PPIB: variants seen among roughly 807,000 people sequenced by gnomAD.
PPIB encodes the protein peptidyl-prolyl cis-trans isomerase B.
A neutral mutation model predicts 20.1 loss-of-function variants in PPIB; 15 were observed. That is an observed-to-expected ratio of 0.75 (90% confidence interval 0.50 to 1.15). The LOEUF (loss-of-function observed/expected upper bound fraction) is 1.15, where lower values mean the gene tolerates loss of function less well. Among genes scored for constraint, PPIB ranks in the 50% most tolerant of loss-of-function variants. PPIB has a pLI of 0.00. For synonymous variants in PPIB, 129 were observed against 111.0 expected (o/e 1.16, Z -1.02); for missense variants, 278 against 283.0 (o/e 0.98, Z 0.13).
At position 64,157,288 on chromosome 15, in the gene PPIB, T is replaced by C. The variant is rs1325384860; in HGVS notation, c.344-379A>G. ...AGGGGAGTCAACAGGGTCGGAACTC[T>C]CCAGAAAAGGAGGACTGCTGTGGCT... On this transcript the variant is annotated intron_variant, in intron 3 of 4. Coordinates refer to ENST00000300026, the MANE Select transcript of PPIB (RefSeq NM_000942.5). This position sits in a 1 kb window ranked among gnomAD's most constrained non-coding sequence, Gnocchi z 4.2. The C allele has an allele frequency of 8.0e-6, 2 of 250,674 alleles. No individual in the cohort carries two copies. The highest frequency in any genetic ancestry group is 6.0e-5 in the South Asian group (1 of 16,608). 15.5% of individuals were successfully genotyped at this position (250,674 alleles called of 1,614,324 possible).
At position 64,156,827 on chromosome 15, in the gene PPIB, G is replaced by A. The variant is rs766129397; in HGVS notation, c.426C>T (p.Asn142=). The A allele has an allele frequency of 2.2e-5, 36 of 1,614,078 alleles. No individual in the cohort carries two copies. The highest frequency in any genetic ancestry group is 1.2e-4 in the Admixed American group (7 of 60,002). Residue 142 remains asparagine, a synonymous_variant, in exon 4 of 5, where the codon AAC becomes AAT. Coordinates refer to ENST00000300026, the MANE Select transcript of PPIB (RefSeq NM_000942.5). The surrounding 1 kb of genome is among the most constrained non-coding windows in gnomAD (Gnocchi z 6.4). ...GGGAGCCGTTGGTGTCTTTGCCTGC[G>A]TTGGCCATGCTCACCCAGCCAGGCC... The part of the protein sequence containing the change: ...HYGPGWVSMA[N]AGKDTNGSQF...
chr15:64,156,544 G>T lies in PPIB; in HGVS notation c.528+181C>A. The stretch of plus-strand genomic sequence containing the variant: ...TCCTGGCTGGGCTCTGAGGGGGCTG[G>T]AAGAATTTAGAACCTTGGAGGCATG... On this transcript the variant is annotated intron_variant, in intron 4 of 4. Transcript: ENST00000300026. This position sits in a 1 kb window ranked among gnomAD's most constrained non-coding sequence, Gnocchi z 6.4. 1.2e-6 allele frequency: 1 copy of T among 806,380 alleles called. No individual in the cohort carries two copies. Among genetic ancestry groups the T allele is most frequent in the Non-Finnish European group, 2.1e-6 (1 of 482,126 alleles). The allele number at this position is 806,380 out of a possible 1,614,324, so 50.0% of individuals were successfully genotyped here. A position where few individuals can be genotyped will look rare whatever the true frequency, so the allele number is the denominator to read the frequency against.
Position 64,161,977 on chromosome 15 carries a change from TG to T in PPIB, c.249+63del, listed in dbSNP as rs1187081257. 8.5e-7 allele frequency: 1 copy of T among 1,182,968 alleles called. No individual in the cohort carries two copies. Among genetic ancestry groups the T allele is most frequent in the African/African-American group, 1.5e-5 (1 of 66,398 alleles). The allele number at this position is 1,182,968 out of a possible 1,614,324, so 73.3% of individuals were successfully genotyped here. On this transcript the variant is annotated intron_variant, in intron 2 of 4. Transcript: ENST00000300026. The surrounding 1 kb of genome is among the most constrained non-coding windows in gnomAD (Gnocchi z 4.2). ...ATCGGCTGAACTCTGCAGGTCAGTT[TG>T]CTGCCATCCCCAGTGCCAATTTCAC...
Position 64,157,036 on chromosome 15 carries a change from C to T in PPIB, c.344-127G>A. ...GCTAGGCTGGAGTGGACTACAAGGACATAAAAGCAGCGTCCTTCCTATCTT... is the reference window on the plus strand; with the variant it reads ...GCTAGGCTGGAGTGGACTACAAGGATATAAAAGCAGCGTCCTTCCTATCTT... On this transcript the variant is annotated intron_variant, in intron 3 of 4. Coordinates refer to ENST00000300026, the MANE Select transcript of PPIB (RefSeq NM_000942.5). The surrounding 1 kb of genome is among the most constrained non-coding windows in gnomAD (Gnocchi z 4.2). The T allele has an allele frequency of 2.9e-6, 3 of 1,022,836 alleles. No individual in the cohort carries two copies. Among genetic ancestry groups the T allele is most frequent in the Non-Finnish European group, 4.3e-6 (3 of 705,280 alleles). The allele number at this position is 1,022,836 out of a possible 1,614,324, so 63.4% of individuals were successfully genotyped here.
chr15:64,157,147 C>A lies in PPIB; in HGVS notation c.344-238G>T, dbSNP rs1366031566. ...TGGTGAACAGCTCACAGAAGGATTA[C>A]TTTGAGAAGATAGTTTTGTGGCTTT... is the stretch of plus-strand genomic sequence containing the variant. On this transcript the variant is annotated intron_variant, in intron 3 of 4. Coordinates refer to ENST00000300026, the MANE Select transcript of PPIB (RefSeq NM_000942.5). The surrounding 1 kb of genome is among the most constrained non-coding windows in gnomAD (Gnocchi z 4.2). The A allele has an allele frequency of 8.6e-6, 5 of 579,522 alleles. No homozygotes were observed. Among genetic ancestry groups the A allele is most frequent in the African/African-American group, 7.5e-5 (4 of 53,608 alleles). 35.9% of individuals were successfully genotyped at this position (579,522 alleles called of 1,614,324 possible). A position where few individuals can be genotyped will look rare whatever the true frequency, so the allele number is the denominator to read the frequency against.
rs1053644498 is a variant in PPIB, at chr15:64,161,449, G to A, written c.249+592C>T. Among the ~76,000 whole-genome samples the A allele has an allele frequency of 6.6e-6, 1 of 151,670 alleles. No homozygotes were observed. The highest frequency in any genetic ancestry group is 2.4e-5 in the African/African-American group (1 of 41,294). ...AATTAAAAAAAATTTTTTTTGGCCGGGCATAGTGGCTCACACCTCTAATCC... is the reference window on the plus strand; with the variant it reads ...AATTAAAAAAAATTTTTTTTGGCCGAGCATAGTGGCTCACACCTCTAATCC... On this transcript the variant is annotated intron_variant, in intron 2 of 4. Transcript: ENST00000300026. This position sits in a 1 kb window ranked among gnomAD's most constrained non-coding sequence, Gnocchi z 4.2.
At position 64,162,866 on chromosome 15, in the gene PPIB, T is replaced by C. The variant is rs771164709; in HGVS notation, c.121A>G (p.Lys41Glu). 6.2e-7 allele frequency: 1 copy of C among 1,611,604 alleles called. No homozygotes were observed. The highest frequency in any genetic ancestry group is 8.5e-7 in the Non-Finnish European group (1 of 1,179,234). ...SAADEKKKGPKVTVKVYFDLR... is the reference protein window; with the variant it reads ...SAADEKKKGPEVTVKVYFDLR... Reference sequence around the variant, plus strand: ...CTCCACCGGACCTTGACGGTGACTTTGGGCCCCTTCTTCTTCTCATCGGCC... The same window carrying C: ...CTCCACCGGACCTTGACGGTGACTTCGGGCCCCTTCTTCTTCTCATCGGCC... The change falls in exon 1 of 5, where the codon AAA becomes GAA. Residue 41 changes from lysine to glutamate, a missense_variant. Lys to Glu is a moderately conservative substitution (Grantham distance 56, BLOSUM62 1). Transcript: ENST00000300026.
Position 64,161,026 on chromosome 15 carries a change from T to C in PPIB, c.250-829A>G, listed in dbSNP as rs1266097990. ...CCCAGGCTAGAGTGCAGTGGGGCAATCTCGGCTCACTGCAACCTCCACCTC... is the reference window on the plus strand; with the variant it reads ...CCCAGGCTAGAGTGCAGTGGGGCAACCTCGGCTCACTGCAACCTCCACCTC... On this transcript the variant is annotated intron_variant, in intron 2 of 4. Transcript: ENST00000300026. The surrounding 1 kb of genome is among the most constrained non-coding windows in gnomAD (Gnocchi z 4.2). Among the ~76,000 whole-genome samples, 11 of 151,966 alleles carry C rather than the reference T, an allele frequency of 7.2e-5. No individual in the cohort carries two copies. The highest frequency in any genetic ancestry group is 2.2e-4 in the African/African-American group (9 of 41,330).
rs539486493 is a variant in PPIB at position 64,161,208 on chromosome 15, C to T, written c.249+833G>A. On this transcript the variant is annotated intron_variant, in intron 2 of 4. Transcript: ENST00000300026. The surrounding 1 kb of genome is among the most constrained non-coding windows in gnomAD (Gnocchi z 4.2). The stretch of plus-strand genomic sequence containing the variant: ...AACTCCTGACCTCAGGTGATCTACC[C>T]GCCTCAGCCTCCCAAAGTGCTGGGA... Among the ~76,000 whole-genome samples, 2 of 151,886 alleles carry T rather than the reference C, an allele frequency of 1.3e-5. No homozygotes were observed. The highest frequency in any genetic ancestry group is 2.0e-4 in the East Asian group (1 of 5,128).
In PPIB at chr15:64,158,349, C is replaced by T. The variant is rs1207673326; in HGVS notation, c.344-1440G>A. 6.6e-6 allele frequency among the ~76,000 whole-genome samples: 1 copy of T among 152,202 alleles called. No homozygotes were observed. Among genetic ancestry groups the T allele is most frequent in the African/African-American group, 2.4e-5 (1 of 41,442 alleles). On this transcript the variant is annotated intron_variant, in intron 3 of 4. Coordinates refer to ENST00000300026, the MANE Select transcript of PPIB (RefSeq NM_000942.5). The surrounding 1 kb of genome is among the most constrained non-coding windows in gnomAD (Gnocchi z 4.7). Reference sequence around the variant, plus strand: ...AATCCACTCTATGAGGAGGAGCTAACTCCACTTCAAAGATGAAGAAACTGA... The same window carrying T: ...AATCCACTCTATGAGGAGGAGCTAATTCCACTTCAAAGATGAAGAAACTGA...
rs754829389 is a variant in PPIB at position 64,162,138 on chromosome 15, C to T, written c.152G>A (p.Arg51Gln). 6.2e-7 allele frequency: 1 copy of T among 1,613,482 alleles called. No individual in the cohort carries two copies. The highest frequency in any genetic ancestry group is 1.7e-5 in the Admixed American group (1 of 60,024). ...CCGGCCTACATCTTCATCTCCAATT[C>T]GTAGGTCAAAATACACCTGAGGAAA... ...KVTVKVYFDLRIGDEDVGRVI... is the reference protein window; with the variant it reads ...KVTVKVYFDLQIGDEDVGRVI... The change falls in exon 2 of 5, where the codon CGA becomes CAA. Residue 51 changes from arginine to glutamine, a missense_variant. By Grantham distance (43) the Arg-to-Gln change is conservative. Coordinates refer to ENST00000300026, the MANE Select transcript of PPIB (RefSeq NM_000942.5).
At position 64,160,038 on chromosome 15, in the gene PPIB, G is replaced by A. The variant is rs748583597; in HGVS notation, c.343+66C>T. The A allele has an allele frequency of 1.4e-6, 2 of 1,390,126 alleles. No individual in the cohort carries two copies. Among genetic ancestry groups the A allele is most frequent in the African/African-American group, 1.4e-5 (1 of 70,198 alleles). 86.1% of individuals were successfully genotyped at this position (1,390,126 alleles called of 1,614,324 possible). On this transcript the variant is annotated intron_variant, in intron 3 of 4. Transcript: ENST00000300026. The surrounding 1 kb of genome is among the most constrained non-coding windows in gnomAD (Gnocchi z 4.8). ...AGAAAGAGGCCTGGTCTCCCCAGCA[G>A]AACCTGGCCCTCCCACTGTGGAGGC...
At position 64,156,046 on chromosome 15, in the gene PPIB, G is replaced by A. The variant is rs200904948; in HGVS notation, c.628C>T (p.Pro210Ser). 8 of 1,614,208 alleles carry A rather than the reference G, an allele frequency of 5.0e-6. No homozygotes were observed. The highest frequency in any genetic ancestry group is 1.1e-5 in the South Asian group (1 of 91,078). The change falls in exon 5 of 5, where the codon CCC (proline) becomes TCC (serine). Residue 210 changes from proline to serine, a missense_variant. Transcript: ENST00000300026. This position sits in a 1 kb window ranked among gnomAD's most constrained non-coding sequence, Gnocchi z 6.4. The stretch of plus-strand genomic sequence containing the variant: ...CCCTACTCCTTGGCGATGGCAAAGG[G>A]CTTCTCCACCTCGATCTTGCCGCAG... Reference protein sequence around the residue: ...ADCGKIEVEKPFAIAKE With the variant: ...ADCGKIEVEKSFAIAKE
At position 64,156,990 on chromosome 15, in the gene PPIB, T is replaced by C; in HGVS notation, c.344-81A>G. ...CATTCGGGGCCAGGACTGAGGGGGC[T>C]TAACCTGTCCTCTGTGCCAGGCTAG... On this transcript the variant is annotated intron_variant, in intron 3 of 4. Coordinates refer to ENST00000300026, the MANE Select transcript of PPIB (RefSeq NM_000942.5). The surrounding 1 kb of genome is among the most constrained non-coding windows in gnomAD (Gnocchi z 6.4). The C allele has an allele frequency of 1.4e-6, 2 of 1,433,642 alleles. No individual in the cohort carries two copies. The highest frequency in any genetic ancestry group is 1.9e-6 in the Non-Finnish European group (2 of 1,031,548). 88.8% of individuals were successfully genotyped at this position (1,433,642 alleles called of 1,614,324 possible). A position where few individuals can be genotyped will look rare whatever the true frequency, so the allele number is the denominator to read the frequency against.
rs1197245012 is a variant in PPIB at position 64,157,710 on chromosome 15, T to C, written c.344-801A>G. Reference sequence around the variant, plus strand: ...TTTTATCTAACACCTTTCAAACATATTTGCATGCAAAACTCTTTTTTCCTT... The same window carrying C: ...TTTTATCTAACACCTTTCAAACATACTTGCATGCAAAACTCTTTTTTCCTT... On this transcript the variant is annotated intron_variant, in intron 3 of 4. Transcript: ENST00000300026. This position sits in a 1 kb window ranked among gnomAD's most constrained non-coding sequence, Gnocchi z 4.2. 6.6e-6 allele frequency among the ~76,000 whole-genome samples: 1 copy of C among 152,216 alleles called. No homozygotes were observed. The highest frequency in any genetic ancestry group is 1.9e-4 in the East Asian group (1 of 5,196).
At position 64,162,022 on chromosome 15, in the gene PPIB, C is replaced by A. The variant is rs150590633; in HGVS notation, c.249+19G>T. On this transcript the variant is annotated intron_variant, in intron 2 of 4. Coordinates refer to ENST00000300026, the MANE Select transcript of PPIB (RefSeq NM_000942.5). ...ATTTCACTTCATGTGAGTTGACTAC[C>A]CCTGCTCCAGCCACTTACCTCTCCT... 8.9e-4 allele frequency: 1,393 copies of A among 1,564,318 alleles called. 10 individuals are homozygous for A. The African/African-American group carries it at 0.016, about 18-fold the overall frequency.
rs1288500048 is a variant in PPIB, at chr15:64,156,743, G to A, written c.510C>T (p.Gly170=). Residue 170 remains glycine, a synonymous_variant, in exon 4 of 5, where the codon GGC becomes GGT. Transcript: ENST00000300026. This position sits in a 1 kb window ranked among gnomAD's most constrained non-coding sequence, Gnocchi z 6.4. Reference sequence around the variant, plus strand: ...AACTCACCATGCCCTCTAGAACTTTGCCAAACACCACATGCTTGCCATCTA... The same window carrying A: ...AACTCACCATGCCCTCTAGAACTTTACCAAACACCACATGCTTGCCATCTA... ...AWLDGKHVVF[G]KVLEGMEVVR... is the part of the protein sequence containing the mutation. The A allele has an allele frequency of 2.5e-6, 4 of 1,613,996 alleles. No individual in the cohort carries two copies. The highest frequency in any genetic ancestry group is 1.6e-4 in the Middle Eastern group (1 of 6,084).
chr15:64,161,158 C>T lies in PPIB; in HGVS notation c.249+883G>A, dbSNP rs957650944. 2.6e-5 allele frequency among the ~76,000 whole-genome samples: 4 copies of T among 151,718 alleles called. No individual in the cohort carries two copies. The highest frequency in any genetic ancestry group is 5.9e-5 in the Non-Finnish European group (4 of 67,948). ...TGTATTTTTAGTAGAGACAGGATTT[C>T]GCCATGTTGGCCAGGCTGGTCTCGA... On this transcript the variant is annotated intron_variant, in intron 2 of 4. Transcript: ENST00000300026. The surrounding 1 kb of genome is among the most constrained non-coding windows in gnomAD (Gnocchi z 4.2).
chr15:64,155,833 A>AAAC lies in PPIB; in HGVS notation c.*189_*190insGTT. On this transcript the variant is annotated 3_prime_UTR_variant, in exon 5 of 5. Transcript: ENST00000300026. The stretch of plus-strand genomic sequence containing the variant: ...CACATTATATATTAAAAAAAAAAAA[A>AAAC]CCCACATTTTTTTTTATTGGTCAGT... 1.3e-6 allele frequency: 1 copy of AAAC among 792,736 alleles called. No homozygotes were observed. 49.1% of individuals were successfully genotyped at this position (792,736 alleles called of 1,614,324 possible).
Sources: allele counts gnomAD v4.1 joint callset (sites outside exome capture counted in the v4.1 genomes callset), GRCh38; gene constraint gnomAD v4.1.1; non-coding constraint Gnocchi (gnomAD v3.1); transcripts MANE v1.5; gene names NCBI Gene and HGNC (gene_info 2026-07-23, HGNC 2026-07-21).